Variants in C4BPA observed in about 807,000 individuals in gnomAD.
C4BPA encodes C4b-binding protein alpha chain.
A neutral mutation model predicts 63.7 loss-of-function variants in C4BPA; 31 were observed. The ratio of observed to expected loss-of-function variants is 0.49; its 90% confidence interval spans 0.37 to 0.66. The LOEUF is 0.66. C4BPA is among the 30% of genes least tolerant of loss of function. C4BPA has a pLI of 0.00. For missense variants in C4BPA, 572 were observed against 723.3 expected (o/e 0.79, Z 2.40); for synonymous variants, 259 against 254.7 (o/e 1.02, Z -0.16).
At position 207,124,272 on chromosome 1, in the gene C4BPA, C is replaced by A. The variant is rs757593380; in HGVS notation, c.612C>A (p.Asp204Glu). The stretch of plus-strand genomic sequence containing the variant: ...GCTTTTCTGTCACCTACAGCTGTGA[C>A]CCCCGCTTCTCACTCTTGGGCCATG... ...AYGFSVTYSCDPRFSLLGHAS... is the reference protein window; with the variant it reads ...AYGFSVTYSCEPRFSLLGHAS... Residue 204 changes from aspartate to glutamate, a missense_variant, in exon 6 of 12, where the codon GAC (aspartate) becomes GAA (glutamate). Transcript: ENST00000367070. The A allele has an allele frequency of 1.7e-5, 28 of 1,613,672 alleles. No homozygotes were observed. Among genetic ancestry groups the A allele is most frequent in the Non-Finnish European group, 2.3e-5 (27 of 1,179,784 alleles).
intron 1 of C4BPA, chr1:207,112,749 C>G: frequency 2.6e-6 from 1 of 385,132 alleles, no homozygotes; most frequent in Non-Finnish European, 4.6e-6. Context: ...ATACCTAGTG[C>G]AGATGCAGTC....
At chr1:207,110,638 A>G (rs572828518) in intron 1 of C4BPA, among the ~76,000 whole-genome samples, 1 of 152,302 alleles carries the variant, frequency 6.6e-6, no homozygotes, top group African/African-American at 2.4e-5. Context: ...ACAATTTTAG[A>G]AAAGAAAAAG....
chr1:207,118,057 A>C (rs1245981799), intron 4 of C4BPA, among the ~76,000 whole-genome samples: 1 of 152,124 alleles, frequency 6.6e-6, no homozygotes, highest in East Asian at 1.9e-4. Context: ...CAAACAAAAA[A>C]TGTTTTTGGT....
At position 207,114,151 on chromosome 1, in the gene C4BPA, C is replaced by A. The variant is rs767519496; in HGVS notation, c.194C>A (p.Thr65Lys). 6.2e-7 allele frequency: 1 copy of A among 1,613,598 alleles called. No homozygotes were observed. Among genetic ancestry groups the A allele is most frequent in the Non-Finnish European group, 8.5e-7 (1 of 1,179,668 alleles). ...TLSFAAPMDI[T>K]LTETRFKTGT... ...TCATTTGCTGCCCCGATGGATATTA[C>A]GTTGACTGAGACACGCTTCAAAACT... The change falls in exon 3 of 12, where the codon ACG (threonine) becomes AAG (lysine). Residue 65 changes from threonine to lysine, a missense_variant. Physicochemically the swap from Thr to Lys is moderately conservative, Grantham distance 78 (BLOSUM62 -1). Around this residue, in one of 2 missense-constraint regions of C4BPA, gnomAD observed 107 missense variants for 93.9 expected, o/e 1.14. Coordinates refer to ENST00000367070, the MANE Select transcript of C4BPA (RefSeq NM_000715.4).
At chr1:207,121,555 TA>T (rs1337208606) in intron 4 of C4BPA, among the ~76,000 whole-genome samples, 1 of 152,118 alleles carries the variant, frequency 6.6e-6, no homozygotes, top group East Asian at 1.9e-4. Flanking sequence ...TTTCTCCAAT[TA>T]AAAGCTGTTT....
chr1:207,143,803 A>G lies in C4BPA; in HGVS notation c.1445-15A>G. On this transcript the variant is annotated splice_polypyrimidine_tract_variant and intron_variant, in intron 10 of 11. Transcript: ENST00000367070. ...ATAGATTTACAGATTTCTTAAAAAT[A>G]TGTTTCCATTACAGCTCTGTGTCGG... 1 of 1,583,514 alleles carries G rather than the reference A, an allele frequency of 6.3e-7. No homozygotes were observed.
chr1:207,144,626 C>A lies in C4BPA; in HGVS notation c.1703C>A (p.Ala568Asp). Reference sequence around the variant, plus strand: ...CCAAACCCAGAGGATGTGAAAATGGCCCTGGAGGTATATAAGCTGTCTCTG... The same window carrying A: ...CCAAACCCAGAGGATGTGAAAATGGACCTGGAGGTATATAAGCTGTCTCTG... ...CLPNPEDVKM[A>D]LEVYKLSLEI... The change falls in exon 12 of 12, where the codon GCC becomes GAC. Residue 568 changes from alanine to aspartate, a missense_variant. Coordinates refer to ENST00000367070, the MANE Select transcript of C4BPA (RefSeq NM_000715.4). The A allele has an allele frequency of 1.2e-6, 2 of 1,613,390 alleles. No individual in the cohort carries two copies.
chr1:207,118,570 T>C (rs995673779), intron 4 of C4BPA, among the ~76,000 whole-genome samples: 15 of 152,158 alleles, frequency 9.9e-5, no homozygotes, highest in African/African-American at 3.6e-4. Flanking sequence ...GAGAATAGCA[T>C]TGGGGTAACT....
intron 9 of C4BPA, among the ~76,000 whole-genome samples, chr1:207,135,287 G>A (rs1002884223): frequency 3.9e-5 from 6 of 151,980 alleles, no homozygotes; most frequent in African/African-American, 4.8e-5. Flanking sequence ...GCAGTGAGCC[G>A]AGATCACGCC....
chr1:207,109,012 CG>C (rs1684613793), intron 1 of C4BPA, among the ~76,000 whole-genome samples: 1 of 152,128 alleles, frequency 6.6e-6, no homozygotes. Context: ...TGAGCTACCG[CG>C]TCTGACCTGT....
At chr1:207,118,247 C>CTATCT (rs1553256039) in intron 4 of C4BPA, among the ~76,000 whole-genome samples, 1 of 61,762 alleles carries the variant, frequency 1.6e-5, no homozygotes. Flanking sequence ...ATCTATCTAT[C>CTATCT]ATCTATCTAC....
In C4BPA at chr1:207,107,096, A is replaced by C. The variant is rs544969308; in HGVS notation, c.-26+2666A>C. 3.3e-5 allele frequency among the ~76,000 whole-genome samples: 5 copies of C among 152,352 alleles called. No individual in the cohort carries two copies. The East Asian group carries it at 9.6e-4, about 29-fold the overall frequency. On this transcript the variant is annotated intron_variant, in intron 1 of 11. Transcript: ENST00000367070. ...TATTAGCCAAGTACTAGAAGAACAG[A>C]AAACACTGGCATTTCATGATGAAGT...
In C4BPA at chr1:207,114,252, G is replaced by C; in HGVS notation, c.295G>C (p.Asp99His). ...HSTQTLTCNS[D>H]GEWVYNTFCI... is the part of the protein sequence containing the mutation. The stretch of plus-strand genomic sequence containing the variant: ...AACTCAGACGCTTACCTGTAATTCT[G>C]ATGGCGAATGGGTGTATAACACCTT... The change falls in exon 3 of 12, where the codon GAT becomes CAT. Residue 99 changes from aspartate (D) to histidine (H), a missense_variant. Physicochemically the swap from Asp to His is moderately conservative, Grantham distance 81. Coordinates refer to ENST00000367070, the MANE Select transcript of C4BPA (RefSeq NM_000715.4). 1 of 1,613,300 alleles carries C rather than the reference G, an allele frequency of 6.2e-7. No homozygotes were observed. The highest frequency in any genetic ancestry group is 8.5e-7 in the Non-Finnish European group (1 of 1,179,540).
At chr1:207,126,661 T>C (rs1685050559) in intron 6 of C4BPA, 52 bp from the exon 7 acceptor site, 5 of 1,374,994 alleles carry the variant, frequency 3.6e-6, no homozygotes, top group Non-Finnish European at 5.1e-6. Context: ...AGTAATATCC[T>C]TATTACCATC....
At chr1:207,108,013 G>C (rs1017032389) in intron 1 of C4BPA, among the ~76,000 whole-genome samples, 1 of 152,204 alleles carries the variant, frequency 6.6e-6, no homozygotes, top group Non-Finnish European at 1.5e-5. Flanking sequence ...ATATTAAGTA[G>C]TGTTGGAGGA....
intron 6 of C4BPA, 116 bp downstream of exon 6, chr1:207,124,482 C>G: frequency 1.4e-6 from 1 of 733,088 alleles, no homozygotes; most frequent in Non-Finnish European, 2.2e-6. Flanking sequence ...CTAACTATCG[C>G]TCTGATGCAA....
downstream of C4BPA, chr1:207,144,972 AT>A: frequency 4.3e-6 from 1 of 232,216 alleles, no homozygotes; most frequent in Non-Finnish European, 8.3e-6. Context: ...ATAAAAAACT[AT>A]TTTGTCTTTG....
chr1:207,137,504 C>G (rs1322755206), intron 9 of C4BPA, among the ~76,000 whole-genome samples: 1 of 152,088 alleles, frequency 6.6e-6, no homozygotes, highest in Non-Finnish European at 1.5e-5. Flanking sequence ...GCTTCTGGAT[C>G]ATAGGTAGAT....
chr1:207,141,370 G>A, intron 10 of C4BPA, 94 bp downstream of exon 10: 1 of 929,538 alleles, frequency 1.1e-6, no homozygotes, highest in South Asian at 1.8e-5. Context: ...GAGGCAGCAT[G>A]AAAACATTTG....
Sources: allele counts gnomAD v4.1 joint callset (sites outside exome capture counted in the v4.1 genomes callset), GRCh38; gene constraint gnomAD v4.1.1; regional missense constraint gnomAD v4.1.1; transcripts MANE v1.5; gene names NCBI Gene and HGNC (gene_info 2026-07-23, HGNC 2026-07-21).